The following ZNG1B variants were observed in gnomAD, a reference collection of about 807,000 sequenced individuals.
ZNG1B encodes Zn regulated GTPase metalloprotein activator 1B.
At chr2:113,490,322 C>T in the ZNG1B span, among the ~76,000 whole-genome samples, 2 of 152,118 alleles carry the variant, frequency 1.3e-5, no homozygotes, top group African/African-American at 4.8e-5. Flanking sequence ...ACAATAGTGA[C>T]ACAACCTATC....
chr2:113,453,895 A>T, the ZNG1B span, among the ~76,000 whole-genome samples: 25 of 152,042 alleles, frequency 1.6e-4, no homozygotes, highest in Admixed American at 1.6e-3. Context: ...GAAGATAAGA[A>T]TTAAACACTC....
At chr2:113,455,688 T>C in the ZNG1B span, 3 of 1,199,254 alleles carry the variant, frequency 2.5e-6, no homozygotes, top group Non-Finnish European at 3.3e-6. Flanking sequence ...AATTAGTGTC[T>C]GTTTTGTATC....
chr2:113,480,990 T>A, the ZNG1B span, among the ~76,000 whole-genome samples: 1 of 150,346 alleles, frequency 6.7e-6, no homozygotes, highest in African/African-American at 2.5e-5. Flanking sequence ...CCTTATCCAC[T>A]AGATTAGTCT....
chr2:113,445,577 A>T, the ZNG1B span: 1 of 150,062 alleles, frequency 6.7e-6, no homozygotes, highest in South Asian at 2.1e-4. Flanking sequence ...CACTGCATTG[A>T]TAAGGGAATC....
chr2:113,452,022 T>C, the ZNG1B span, among the ~76,000 whole-genome samples: 1 of 152,140 alleles, frequency 6.6e-6, no homozygotes, highest in Non-Finnish European at 1.5e-5. Flanking sequence ...ACAAAATTCT[T>C]ATTGGCAATT....
chr2:113,494,950 A>G, the ZNG1B span: 14 of 894,462 alleles, frequency 1.6e-5, no homozygotes, highest in Non-Finnish European at 2.0e-5. Context: ...AAAAACATTA[A>G]GAAACTTCTT....
the ZNG1B span, among the ~76,000 whole-genome samples, chr2:113,461,636 C>T: frequency 5.3e-5 from 8 of 151,264 alleles, no homozygotes; most frequent in Admixed American, 2.6e-4. Flanking sequence ...GAAAATAGAG[C>T]TTCTGATTAT....
At chr2:113,476,419 T>C in the ZNG1B span, among the ~76,000 whole-genome samples, 1 of 150,290 alleles carries the variant, frequency 6.7e-6, no homozygotes, top group Non-Finnish European at 1.5e-5. Context: ...TTTCAACTTC[T>C]TTGCCTTTGG....
At chr2:113,477,693 C>T in the ZNG1B span, among the ~76,000 whole-genome samples, 1 of 150,400 alleles carries the variant, frequency 6.6e-6, no homozygotes, top group Non-Finnish European at 1.5e-5. Flanking sequence ...TGAGATCTAC[C>T]CTCTTAACAA....
chr2:113,446,559 C>T, the ZNG1B span, among the ~76,000 whole-genome samples: 1 of 151,790 alleles, frequency 6.6e-6, no homozygotes, highest in African/African-American at 2.4e-5. Context: ...CCAGCCTAGC[C>T]AACATGGTGA....
At chr2:113,453,226 C>A in the ZNG1B span, 1 of 1,581,716 alleles carries the variant, frequency 6.3e-7, no homozygotes, top group East Asian at 2.2e-5. Flanking sequence ...TTTCTTTTAT[C>A]TTTCTTGTTT....
chr2:113,443,367 T>C, the ZNG1B span, among the ~76,000 whole-genome samples: 1 of 151,724 alleles, frequency 6.6e-6, no homozygotes, highest in African/African-American at 2.4e-5. Context: ...AAGAAAAAGA[T>C]AGATAAGGCA....
At chr2:113,470,779 T>C in the ZNG1B span, 8 of 521,622 alleles carry the variant, frequency 1.5e-5, no homozygotes, top group Non-Finnish European at 2.4e-5. Context: ...TTTTTAGCTA[T>C]AAAAATGTAT....
the ZNG1B span, among the ~76,000 whole-genome samples, chr2:113,445,964 C>T: frequency 6.6e-6 from 1 of 151,984 alleles, no homozygotes; most frequent in African/African-American, 2.4e-5. Context: ...AAAACAATTA[C>T]ATAATAACAT....
the ZNG1B span, among the ~76,000 whole-genome samples, chr2:113,473,290 C>G: frequency 4.0e-5 from 6 of 148,530 alleles, no homozygotes; most frequent in African/African-American, 1.5e-4. Flanking sequence ...CTCTGTTTGT[C>G]TGTTGTTGGT....
chr2:113,481,627 C>T, the ZNG1B span: 11 of 153,624 alleles, frequency 7.2e-5, no homozygotes, highest in Non-Finnish European at 1.3e-4. Context: ...CAGAACAATG[C>T]ATTTTTAACA....
chr2:113,462,733 C>T, the ZNG1B span: 1 of 532,272 alleles, frequency 1.9e-6, no homozygotes, highest in Non-Finnish European at 3.2e-6. Context: ...AGGGTCTTCG[C>T]ACTCCATCTT....
chr2:113,442,058 A>G, the ZNG1B span, among the ~76,000 whole-genome samples: 9 of 152,232 alleles, frequency 5.9e-5, no homozygotes, highest in African/African-American at 2.2e-4. Context: ...TTTTTTTAGG[A>G]ATTAGGAAGG....
At chr2:113,489,643 TA>T in the ZNG1B span, among the ~76,000 whole-genome samples, 1 of 152,124 alleles carries the variant, frequency 6.6e-6, no homozygotes, top group African/African-American at 2.4e-5. Context: ...AGGACTCACA[TA>T]AACTTAAGGT....
Sources: allele counts gnomAD v4.1 joint callset (sites outside exome capture counted in the v4.1 genomes callset), GRCh38; gene constraint gnomAD v4.1.1; transcripts MANE v1.5; gene names NCBI Gene and HGNC (gene_info 2026-07-23, HGNC 2026-07-21).